The following AUTS2 variants were observed in gnomAD, a reference collection of about 807,000 sequenced individuals.
AUTS2 encodes autism susceptibility gene 2 protein.
In AUTS2, 17 loss-of-function variants were observed where a neutral mutation model predicts 112.4. That is an observed-to-expected ratio of 0.15 (90% CI 0.10 to 0.23). The LOEUF (loss-of-function observed/expected upper bound fraction) is 0.23. AUTS2 is among the 10% of genes least tolerant of loss of function. AUTS2 has a pLI of 1.00. For missense variants in AUTS2, 1,510 were observed against 1,701.6 expected (o/e 0.89, Z 1.98); for synonymous variants, 751 against 702.7 (o/e 1.07, Z -1.09).
At chr7:70,249,361 A>G (rs1189495014) in intron 4 of AUTS2, among the ~76,000 whole-genome samples, 2 of 152,290 alleles carry the variant, frequency 1.3e-5, no homozygotes, top group East Asian at 3.9e-4. Context: ...CAAGCCCTCA[A>G]AAGCCACATG....
At chr7:69,941,244 G>T (rs1796614609) in intron 2 of AUTS2, among the ~76,000 whole-genome samples, 2 of 152,204 alleles carry the variant, frequency 1.3e-5, no homozygotes, top group South Asian at 4.1e-4. Context: ...GGGATGATCT[G>T]ACAGCGTCAG....
chr7:69,959,014 C>G (rs894648101), intron 2 of AUTS2, among the ~76,000 whole-genome samples: 4 of 152,170 alleles, frequency 2.6e-5, no homozygotes, highest in African/African-American at 9.6e-5. Context: ...AAAGGAAATA[C>G]TTTCTGGTCT....
chr7:70,135,889 T>C (rs1246173765), intron 4 of AUTS2, among the ~76,000 whole-genome samples: 1 of 152,142 alleles, frequency 6.6e-6, no homozygotes, highest in African/African-American at 2.4e-5. Flanking sequence ...GGAAGTAAAA[T>C]CTGGAGACTG....
At chr7:70,549,507 G>A (rs2129518083) in intron 5 of AUTS2, among the ~76,000 whole-genome samples, 1 of 152,306 alleles carries the variant, frequency 6.6e-6, no homozygotes, top group East Asian at 1.9e-4. Flanking sequence ...GGAAGAATGG[G>A]TGACTGCATT....
chr7:70,183,328 C>T (rs1809422106), intron 4 of AUTS2, among the ~76,000 whole-genome samples: 1 of 152,176 alleles, frequency 6.6e-6, no homozygotes, highest in Non-Finnish European at 1.5e-5. Flanking sequence ...GATTAATCAC[C>T]AGACCTTTGG....
intron 14 of AUTS2, among the ~76,000 whole-genome samples, chr7:70,779,378 G>C (rs74434354): frequency 6.6e-6 from 1 of 152,202 alleles, no homozygotes; most frequent in Non-Finnish European, 1.5e-5. Flanking sequence ...GGCGGGCTGG[G>C]GGCATGCATC....
chr7:69,916,087 G>A (rs941607650), intron 2 of AUTS2, among the ~76,000 whole-genome samples: 1 of 152,132 alleles, frequency 6.6e-6, no homozygotes, highest in Non-Finnish European at 1.5e-5. Flanking sequence ...ACAATTACGT[G>A]ATCTCAGGAG....
intron 1 of AUTS2, among the ~76,000 whole-genome samples, chr7:69,863,938 G>A (rs1320678257): frequency 6.6e-6 from 1 of 152,168 alleles, no homozygotes; most frequent in Non-Finnish European, 1.5e-5. Context: ...AAACCTGTCC[G>A]TCTCTCAGGC....
At chr7:70,316,697 C>A (rs1388488725) in intron 4 of AUTS2, among the ~76,000 whole-genome samples, 1 of 152,098 alleles carries the variant, frequency 6.6e-6, no homozygotes, top group African/African-American at 2.4e-5. Context: ...CCACACCCAG[C>A]CTGGATCTCC....
chr7:70,748,549 G>A (rs186028145), intron 6 of AUTS2, among the ~76,000 whole-genome samples: 37 of 152,282 alleles, frequency 2.4e-4, no homozygotes, highest in African/African-American at 8.2e-4. Flanking sequence ...TTACAGCTAC[G>A]TAGGATGTAG....
intron 2 of AUTS2, among the ~76,000 whole-genome samples, chr7:70,093,005 A>G (rs1006528230): frequency 2.0e-5 from 3 of 152,092 alleles, no homozygotes; most frequent in African/African-American, 7.2e-5. Flanking sequence ...CCAAATCTCT[A>G]GGATGCTTTT....
intron 3 of AUTS2, among the ~76,000 whole-genome samples, chr7:70,124,030 A>G (rs1286737271): frequency 6.6e-6 from 1 of 151,946 alleles, no homozygotes; most frequent in Non-Finnish European, 1.5e-5. Flanking sequence ...TGACATTTTA[A>G]TATTAATAAT....
chr7:70,686,598 G>A (rs538804064), intron 5 of AUTS2, among the ~76,000 whole-genome samples: 11 of 151,918 alleles, frequency 7.2e-5, no homozygotes, highest in Non-Finnish European at 1.3e-4. Context: ...GTGCAGTGGC[G>A]CAATCTCAGC....
intron 5 of AUTS2, among the ~76,000 whole-genome samples, chr7:70,616,877 C>G (rs1169682292): frequency 2.0e-5 from 3 of 149,584 alleles, no homozygotes; most frequent in Non-Finnish European, 1.5e-5. Flanking sequence ...TCTGAAGTGA[C>G]AAGATTAAGA....
intron 2 of AUTS2, among the ~76,000 whole-genome samples, chr7:70,070,804 G>A (rs1275795306): frequency 2.6e-5 from 4 of 151,870 alleles, no homozygotes; most frequent in Non-Finnish European, 4.4e-5. Context: ...CCTGGGAGGT[G>A]GAGGTTGCGG....
At position 70,771,590 on chromosome 7, in the gene AUTS2, T is replaced by C; in HGVS notation, c.1776T>C (p.Pro592=). 6.2e-7 allele frequency: 1 copy of C among 1,613,760 alleles called. No individual in the cohort carries two copies. Among genetic ancestry groups the C allele is most frequent in the African/African-American group, 1.3e-5 (1 of 75,058 alleles). The change falls in exon 11 of 19, where the codon CCT becomes CCC. Residue 592 remains proline (P), a synonymous_variant. Transcript: ENST00000342771. ...SYPPAVSGIP[P]MIPPTGPFGS... is the part of the protein sequence containing the mutation. ...CTCCTGCAGTGTCGGGCATCCCCCC[T>C]ATGATCCCACCCACTGGCCCTTTTG... is the stretch of plus-strand genomic sequence containing the variant.
At chr7:70,206,790 A>G (rs554071594) in intron 4 of AUTS2, among the ~76,000 whole-genome samples, 1 of 152,300 alleles carries the variant, frequency 6.6e-6, no homozygotes, top group South Asian at 2.1e-4. Context: ...TTGATCTGGG[A>G]CTTGGGTAAA....
At chr7:69,913,467 G>C (rs1279609444) in intron 2 of AUTS2, among the ~76,000 whole-genome samples, 1 of 152,080 alleles carries the variant, frequency 6.6e-6, no homozygotes, top group African/African-American at 2.4e-5. Context: ...TTTTGAGTTG[G>C]AGGTATACAT....
intron 1 of AUTS2, among the ~76,000 whole-genome samples, chr7:69,777,458 A>G (rs1023103065): frequency 3.3e-5 from 5 of 152,226 alleles, no homozygotes; most frequent in African/African-American, 4.8e-5. Flanking sequence ...TGGTGGAAGC[A>G]GCTAGAATTT....
Sources: gnomAD v4.1 joint callset for allele counts (sites outside exome capture counted in the v4.1 genomes callset) on GRCh38, gnomAD v4.1.1 for gene constraint, MANE v1.5 for transcripts, NCBI Gene and HGNC (gene_info 2026-07-23, HGNC 2026-07-21) for gene names.